CYB561: variants seen among roughly 807,000 people sequenced by gnomAD.
CYB561 encodes the protein transmembrane ascorbate-dependent reductase CYB561.
A neutral mutation model predicts 25.3 loss-of-function variants in CYB561; 11 were observed. That is an observed-to-expected ratio of 0.44 (90% CI 0.27 to 0.72). CYB561 has a LOEUF of 0.72. CYB561 is among the 30% of genes least tolerant of loss of function. The probability of loss-of-function intolerance (pLI) is 0.18; values close to 1 mark genes in which losing one functional copy is unlikely to be tolerated. For missense variants in CYB561, 295 were observed against 334.9 expected, an observed-to-expected ratio of 0.88 and a Z score of 0.93; for synonymous variants, 165 against 158.8, an observed-to-expected ratio of 1.04 and a Z score of -0.29.
chr17:63,434,716 T>C, intron 5 of CYB561, 122 bp from the exon 6 acceptor site: 1 of 851,036 alleles, frequency 1.2e-6, no homozygotes, highest in Non-Finnish European at 1.8e-6. Context: ...CTCCCTGCCC[T>C]GCCTGAAGAG....
intron 1 of CYB561, among the ~76,000 whole-genome samples, chr17:63,443,845 C>T (rs1335561590): frequency 6.6e-6 from 1 of 152,100 alleles, no homozygotes; most frequent in Non-Finnish European, 1.5e-5. Flanking sequence ...AGGCTAGTCT[C>T]AAACTCCTGG....
intron 1 of CYB561, among the ~76,000 whole-genome samples, chr17:63,443,437 G>A (rs960056475): frequency 1.3e-5 from 2 of 152,148 alleles, no homozygotes; most frequent in Non-Finnish European, 2.9e-5. Context: ...GCTTGGACCA[G>A]GTACCAAGGA....
intron 1 of CYB561, among the ~76,000 whole-genome samples, chr17:63,439,813 A>G (rs2049356970): frequency 6.6e-6 from 1 of 151,894 alleles, no homozygotes; most frequent in Admixed American, 6.6e-5. Context: ...GTAACCTCAC[A>G]CTCTTGCATT....
At chr17:63,435,498 C>T (rs1304715693) in intron 4 of CYB561, 190 bp downstream of exon 4, 13 of 685,422 alleles carry the variant, frequency 1.9e-5, no homozygotes, top group African/African-American at 1.4e-4. Flanking sequence ...AGCCATGGGG[C>T]GCCTGGGAGC....
chr17:63,435,827 G>A (rs1292770276), intron 3 of CYB561, 36 bp from the exon 4 acceptor site: 3 of 1,606,764 alleles, frequency 1.9e-6, no homozygotes, highest in Admixed American at 3.3e-5. Flanking sequence ...GACAGGGTTG[G>A]ATGTGGAAAA....
chr17:63,436,795 C>G lies in CYB561; in HGVS notation c.202+551G>C. 1 of 162,130 alleles carries G rather than the reference C, an allele frequency of 6.2e-6. No homozygotes were observed. The allele number at this position is 162,130 out of a possible 1,614,324, so 10.0% of individuals were successfully genotyped here. A position where few individuals can be genotyped will look rare whatever the true frequency, so the allele number is the denominator to read the frequency against. On this transcript the variant is annotated intron_variant, in intron 2 of 5. Transcript: ENST00000360793. The surrounding 1 kb of genome is among the most constrained non-coding windows in gnomAD (Gnocchi z 4.8). ...GTGAGGAATGCCTCTTAGCTTTCTG[C>G]TGCTCAGGAATGGCTGTCACCAGGA...
chr17:63,439,554 A>G (rs1186369214), intron 1 of CYB561, among the ~76,000 whole-genome samples: 1 of 149,762 alleles, frequency 6.7e-6, no homozygotes, highest in Non-Finnish European at 1.5e-5. Flanking sequence ...TTTTTAATTA[A>G]AAAAAAAAGG....
chr17:63,440,631 T>A (rs1195584843), intron 1 of CYB561: 3 of 178,118 alleles, frequency 1.7e-5, no homozygotes, highest in Non-Finnish European at 3.5e-5. Context: ...TGGCCCAGCC[T>A]GGCTCCCTGC....
chr17:63,435,913 A>G, intron 3 of CYB561, 122 bp from the exon 4 acceptor site: 1 of 1,583,598 alleles, frequency 6.3e-7, no homozygotes. Context: ...GGCTGCCAGC[A>G]CCTAGTGGCC....
At chr17:63,437,907 C>G (rs1599118563) in intron 1 of CYB561, 12 of 508,508 alleles carry the variant, frequency 2.4e-5, no homozygotes, top group East Asian at 1.5e-4. Context: ...GCATGTCCCC[C>G]CCACGGATGC....
intron 1 of CYB561, chr17:63,438,288 T>C (rs1445676116): frequency 1.2e-5 from 16 of 1,374,300 alleles, no homozygotes; most frequent in Non-Finnish European, 1.4e-5. Flanking sequence ...AGCGCGCTCC[T>C]TGACGGGAAG....
At position 63,436,003 on chromosome 17, in the gene CYB561, A is replaced by G. The variant is rs368958494; in HGVS notation, c.301+51T>C. 2.5e-5 allele frequency: 41 copies of G among 1,613,296 alleles called. No homozygotes were observed. The African/African-American group carries it at 4.0e-4, about 16-fold the overall frequency. On this transcript the variant is annotated intron_variant, in intron 3 of 5. Transcript: ENST00000360793. The surrounding 1 kb of genome is among the most constrained non-coding windows in gnomAD (Gnocchi z 4.8). Reference sequence around the variant, plus strand: ...AGAGCAGGTGAAGCGGCTGTTTGCCATACCTGAAGAGGCAGGCAGGTGGCG... The same window carrying G: ...AGAGCAGGTGAAGCGGCTGTTTGCCGTACCTGAAGAGGCAGGCAGGTGGCG...
At position 63,433,880 on chromosome 17, in the gene CYB561, C is replaced by A. The variant is rs533193666; in HGVS notation, c.*522G>T. ...CCAGTCCCTCCCCTCTCCTGGGGAA[C>A]CTTGCTTTCACCACCAACATACTTT... On this transcript the variant is annotated 3_prime_UTR_variant, in exon 6 of 6. Transcript: ENST00000360793. 5.9e-6 allele frequency: 1 copy of A among 169,948 alleles called. No homozygotes were observed. The highest frequency in any genetic ancestry group is 2.0e-4 in the South Asian group (1 of 4,998). 10.5% of individuals were successfully genotyped at this position (169,948 alleles called of 1,614,324 possible).
At position 63,436,105 on chromosome 17, in the gene CYB561, T is replaced by C; in HGVS notation, c.250A>G (p.Lys84Glu). The change falls in exon 3 of 6, where the codon AAG (lysine) becomes GAG (glutamate). Residue 84 changes from lysine to glutamate, a missense_variant. Lys to Glu is a moderately conservative substitution (Grantham distance 56). Transcript: ENST00000360793. This position sits in a 1 kb window ranked among gnomAD's most constrained non-coding sequence, Gnocchi z 4.8. ...VFRNEAKRTTKVLHGLLHIFA... is the reference protein window; with the variant it reads ...VFRNEAKRTTEVLHGLLHIFA... The stretch of plus-strand genomic sequence containing the variant: ...ATGTGCAGCAGCCCGTGCAGGACCT[T>C]GGTGGTGCGTTTAGCTTCGTTCCTG... The C allele has an allele frequency of 1.2e-6, 2 of 1,614,156 alleles. No individual in the cohort carries two copies. The highest frequency in any genetic ancestry group is 2.2e-5 in the South Asian group (2 of 91,086).
At chr17:63,438,359 G>C in intron 1 of CYB561, 1 of 675,890 alleles carries the variant, frequency 1.5e-6, no homozygotes, top group Non-Finnish European at 2.5e-6. Flanking sequence ...GGAGAAATGG[G>C]AAGTCTCCCT....
Position 63,436,135 on chromosome 17 carries a change from C to A in CYB561, c.220G>T (p.Val74Phe). The stretch of plus-strand genomic sequence containing the variant: ...GTGCGTTTAGCTTCGTTCCTGAAGA[C>A]ACGGTAAACCAGCAGGGCTGTGGGA... ...LQGNALLVYR[V>F]FRNEAKRTTK... Residue 74 changes from valine to phenylalanine, a missense_variant, in exon 3 of 6, where the codon GTC becomes TTC. By Grantham distance (50) the Val-to-Phe change is conservative. Coordinates refer to ENST00000360793, the MANE Select transcript of CYB561 (RefSeq NM_001915.4). The surrounding 1 kb of genome is among the most constrained non-coding windows in gnomAD (Gnocchi z 4.8). 6.2e-7 allele frequency: 1 copy of A among 1,614,040 alleles called. No individual in the cohort carries two copies. Among genetic ancestry groups the A allele is most frequent in the South Asian group, 1.1e-5 (1 of 91,074 alleles).
chr17:63,433,110 G>A lies in CYB561; in HGVS notation c.*1292C>T, dbSNP rs995239345. The A allele has an allele frequency of 7.5e-5, 24 of 321,384 alleles. No individual in the cohort carries two copies. Among genetic ancestry groups the A allele is most frequent in the Non-Finnish European group, 9.6e-5 (17 of 177,956 alleles). 19.9% of individuals were successfully genotyped at this position (321,384 alleles called of 1,614,324 possible). A position where few individuals can be genotyped will look rare whatever the true frequency, so the allele number is the denominator to read the frequency against. ...GGCTGGAGTGCAATCTCAGCTCACT[G>A]CAAGCGCCATCTCCCGGGTTCACAC... is the stretch of plus-strand genomic sequence containing the variant. On this transcript the variant is annotated 3_prime_UTR_variant, in exon 6 of 6. Coordinates refer to ENST00000360793, the MANE Select transcript of CYB561 (RefSeq NM_001915.4).
intron 4 of CYB561, 68 bp from the exon 5 acceptor site, chr17:63,435,311 G>A (rs1194596234): frequency 2.8e-5 from 44 of 1,545,308 alleles, no homozygotes; most frequent in South Asian, 3.6e-5. Context: ...GGTCGGCCAG[G>A]CCCACACCCA....
At chr17:63,437,239 T>G (rs758790359) in intron 2 of CYB561, 107 bp downstream of exon 2, 94 of 857,436 alleles carry the variant, frequency 1.1e-4, no homozygotes, top group Admixed American at 1.7e-4. Context: ...TCTAGAATCT[T>G]AGATTTGTCC....
Sources: gnomAD v4.1 joint callset for allele counts (sites outside exome capture counted in the v4.1 genomes callset) on GRCh38, gnomAD v4.1.1 for gene constraint, Gnocchi (gnomAD v3.1) non-coding constraint, MANE v1.5 for transcripts, NCBI Gene and HGNC (gene_info 2026-07-23, HGNC 2026-07-21) for gene names.